DMD: variants seen among roughly 807,000 people sequenced by gnomAD.
DMD encodes dystrophin.
A neutral mutation model predicts 330.1 loss-of-function variants in DMD; 63 were observed. That is an observed-to-expected ratio of 0.19 (90% CI 0.16 to 0.24). The LOEUF is 0.24. Ranked by LOEUF, DMD falls within the 10% of genes least tolerant of loss-of-function variation. The probability of loss-of-function intolerance (pLI) is 1.00; values close to 1 mark genes in which losing one functional copy is unlikely to be tolerated. For missense variants in DMD, 3,344 were observed against 2,684.1 expected (o/e 1.25, Z -5.43); for synonymous variants, 1,223 against 959.8 (o/e 1.27, Z -5.07).
At chrX:32,154,816 TA>T (rs1172627626) in intron 44 of DMD, among the ~76,000 whole-genome samples, 10 of 107,875 alleles carry the variant, frequency 9.3e-5, no homozygotes, top group African/African-American at 3.4e-4. Flanking sequence ...AGGAGTCTCT[TA>T]AAAAACACCT....
At chrX:32,756,343 T>G (rs980859605) in intron 7 of DMD, 4 of 112,048 alleles carry the variant, frequency 3.6e-5, no homozygotes, top group Non-Finnish European at 3.8e-5. Flanking sequence ...TACTTTATAC[T>G]TGCTTCTACA....
chrX:32,724,145 T>C (rs1317270492), intron 7 of DMD, among the ~76,000 whole-genome samples: 1 of 112,173 alleles, frequency 8.9e-6, no homozygotes, highest in Non-Finnish European at 1.9e-5. Flanking sequence ...CTTGAGGAAA[T>C]CCTTTCAAAA....
At chrX:31,374,701 T>G (rs1179342602) in intron 60 of DMD, among the ~76,000 whole-genome samples, 1 of 96,473 alleles carries the variant, frequency 1.0e-5, no homozygotes, top group Non-Finnish European at 2.1e-5. Flanking sequence ...AGGGATAGCA[T>G]TAGGAGATAT....
At chrX:31,353,368 T>C (rs1353909696) in intron 60 of DMD, among the ~76,000 whole-genome samples, 2 of 111,580 alleles carry the variant, frequency 1.8e-5, no homozygotes, top group Non-Finnish European at 3.8e-5. Context: ...GGAAGATCAG[T>C]ATAGTGTAAA....
At chrX:31,143,371 C>T (rs1433790454) in intron 76 of DMD, among the ~76,000 whole-genome samples, 2 of 111,189 alleles carry the variant, frequency 1.8e-5, no homozygotes, top group Non-Finnish European at 3.8e-5. Context: ...TAGCACATGC[C>T]TTGCTTCCCC....
At chrX:32,787,355 G>C (rs1217214040) in intron 7 of DMD, among the ~76,000 whole-genome samples, 2 of 109,347 alleles carry the variant, frequency 1.8e-5, no homozygotes, top group Non-Finnish European at 3.8e-5. Context: ...GGAGCTCAAG[G>C]ATATCAAAGA....
intron 47 of DMD, among the ~76,000 whole-genome samples, chrX:31,886,817 T>C (rs1234076466): frequency 1.8e-5 from 2 of 111,963 alleles, no homozygotes; most frequent in East Asian, 5.6e-4. Context: ...GATTTTACTT[T>C]TAAAATTTCA....
chrX:32,395,152 T>C (rs2098034991), intron 30 of DMD, among the ~76,000 whole-genome samples: 1 of 111,199 alleles, frequency 9.0e-6, no homozygotes, highest in Non-Finnish European at 1.9e-5. Flanking sequence ...TCTTTAATTA[T>C]GATTTTAAAA....
chrX:32,690,200 A>G (rs377728380), intron 9 of DMD, among the ~76,000 whole-genome samples: 2 of 111,534 alleles, frequency 1.8e-5, no homozygotes, highest in African/African-American at 6.5e-5. Flanking sequence ...AAAATCAGTA[A>G]AGTTGTAGGA....
At chrX:31,996,309 A>G (rs1234271988) in intron 44 of DMD, among the ~76,000 whole-genome samples, 1 of 111,975 alleles carries the variant, frequency 8.9e-6, no homozygotes, top group African/African-American at 3.2e-5. Flanking sequence ...ATGAGGATAC[A>G]TCGACAGGGA....
At chrX:32,067,386 A>T (rs938906899) in intron 44 of DMD, among the ~76,000 whole-genome samples, 1 of 110,654 alleles carries the variant, frequency 9.0e-6, no homozygotes, top group African/African-American at 3.3e-5. Context: ...CAGAGGGTAC[A>T]TGTTCAGGTT....
intron 41 of DMD, among the ~76,000 whole-genome samples, chrX:32,317,077 C>T (rs567778448): frequency 2.7e-5 from 3 of 110,816 alleles, no homozygotes; most frequent in Non-Finnish European, 5.7e-5. Context: ...GTACAAATCC[C>T]GTCTAACCTT....
intron 7 of DMD, among the ~76,000 whole-genome samples, chrX:32,719,541 A>G (rs972069939): frequency 1.8e-5 from 2 of 111,622 alleles, no homozygotes; most frequent in Non-Finnish European, 3.8e-5. Context: ...CAAAGTTTAA[A>G]CTGATTATGT....
chrX:32,637,217 T>C (rs1329377404), intron 11 of DMD, among the ~76,000 whole-genome samples: 1 of 111,853 alleles, frequency 8.9e-6, no homozygotes, highest in Admixed American at 9.5e-5. Context: ...TATTCATTTA[T>C]GTGGAAATAG....
At chrX:33,287,125 G>A (rs1445074913) in intron 1 of DMD, among the ~76,000 whole-genome samples, 1 of 111,868 alleles carries the variant, frequency 8.9e-6, no homozygotes, top group African/African-American at 3.3e-5. Context: ...ATGCTAGCTA[G>A]CATTAAAAGA....
chrX:31,415,482 A>T (rs914798643), intron 60 of DMD, among the ~76,000 whole-genome samples: 4 of 111,742 alleles, frequency 3.6e-5, no homozygotes, highest in Admixed American at 2.9e-4. Flanking sequence ...TGGAGTCCAG[A>T]GGTAGGGTCA....
chrX:33,050,001 T>C (rs753398720), intron 1 of DMD, among the ~76,000 whole-genome samples: 358 of 112,032 alleles, frequency 3.2e-3, no homozygotes, highest in Non-Finnish European at 4.6e-3. Context: ...AATAGAAATA[T>C]TAAAACGTGT....
At chrX:32,229,681 C>T (rs1281343528) in intron 43 of DMD, among the ~76,000 whole-genome samples, 2 of 24,333 alleles carry the variant, frequency 8.2e-5, no homozygotes, top group Non-Finnish European at 1.4e-4. Flanking sequence ...AGAGTTTCAT[C>T]ATATATATAT....
chrX:32,027,164 G>GTACACACA (rs1557075786), intron 44 of DMD, among the ~76,000 whole-genome samples: 1 of 89,517 alleles, frequency 1.1e-5, no homozygotes, highest in African/African-American at 4.4e-5. Context: ...ACACGCACGT[G>GTACACACA]CACACACACA....
Sources: gnomAD v4.1 joint callset for allele counts (sites outside exome capture counted in the v4.1 genomes callset) on GRCh38, gnomAD v4.1.1 for gene constraint, MANE v1.5 for transcripts, NCBI Gene and HGNC (gene_info 2026-07-23, HGNC 2026-07-21) for gene names.